Variants in VPS13D observed in about 807,000 individuals in gnomAD.
The protein encoded by VPS13D is intermembrane lipid transfer protein VPS13D.
Under a neutral mutation model 461.9 loss-of-function variants are expected in VPS13D, and 187 were observed. The ratio of observed to expected loss-of-function variants is 0.40; its 90% confidence interval spans 0.36 to 0.46. The LOEUF (loss-of-function observed/expected upper bound fraction) is 0.46, where lower values mean the gene tolerates loss of function less well. VPS13D is among the 20% of genes least tolerant of loss of function. The probability of loss-of-function intolerance (pLI) is 0.60; values close to 1 mark genes in which losing one functional copy is unlikely to be tolerated. For synonymous variants in VPS13D, 1,951 were observed against 1,986.3 expected (o/e 0.98, Z 0.47); for missense variants, 4,711 against 5,364.9 (o/e 0.88, Z 3.81).
chr1:12,264,955 A>G (rs1641222873), intron 13 of VPS13D, among the ~76,000 whole-genome samples: 1 of 152,110 alleles, frequency 6.6e-6, no homozygotes, highest in Admixed American at 6.5e-5. Flanking sequence ...TGGTGACTTT[A>G]AGTTGCTGAT....
chr1:12,433,785 G>A (rs1211108544), intron 65 of VPS13D, among the ~76,000 whole-genome samples: 2 of 152,140 alleles, frequency 1.3e-5, no homozygotes, highest in African/African-American at 4.8e-5. Context: ...CTGGGATCCC[G>A]CTAATCAGGC....
chr1:12,295,327 TA>T (rs1553175763), intron 24 of VPS13D, among the ~76,000 whole-genome samples: 1 of 151,866 alleles, frequency 6.6e-6, no homozygotes, highest in Non-Finnish European at 1.5e-5. Context: ...TTAATTTAAA[TA>T]AAAAATGTTT....
chr1:12,261,845 G>T lies in VPS13D; in HGVS notation c.1415-56G>T. 2.1e-6 allele frequency: 3 copies of T among 1,451,746 alleles called. No homozygotes were observed. In the African/African-American group the frequency reaches 4.2e-5, roughly 20 times the overall value. 89.9% of individuals were successfully genotyped at this position (1,451,746 alleles called of 1,614,324 possible). Reference sequence around the variant, plus strand: ...ATAACTGTGATCAGTCTGCTTGCTGGTGCTTTTTTATTCTTCCACGTTTTT... The same window carrying T: ...ATAACTGTGATCAGTCTGCTTGCTGTTGCTTTTTTATTCTTCCACGTTTTT... On this transcript the variant is annotated intron_variant, in intron 12 of 69. Transcript: ENST00000620676.
At chr1:12,403,496 T>C (rs1644607218) in intron 62 of VPS13D, among the ~76,000 whole-genome samples, 1 of 152,246 alleles carries the variant, frequency 6.6e-6, no homozygotes, top group African/African-American at 2.4e-5. Context: ...ATCTGGGTCA[T>C]TGATAATAAC....
In VPS13D at chr1:12,473,071, TG is replaced by T. The variant is rs1645583259; in HGVS notation, c.12662+12676del. ...AAAGAAATAGCACACCCTACGGTAG[TG>T]ACATGGCCCTGTCACCACCCCTCAT... On this transcript the variant is annotated intron_variant, in intron 67 of 69. Coordinates refer to ENST00000620676, the MANE Select transcript of VPS13D (RefSeq NM_015378.4). The surrounding 1 kb of genome is among the most constrained non-coding windows in gnomAD (Gnocchi z 4.2). Among the ~76,000 whole-genome samples the T allele has an allele frequency of 6.6e-6, 1 of 152,184 alleles. No individual in the cohort carries two copies. The highest frequency in any genetic ancestry group is 6.5e-5 in the Admixed American group (1 of 15,276).
chr1:12,430,117 C>T (rs989030265), intron 65 of VPS13D, among the ~76,000 whole-genome samples: 6 of 152,100 alleles, frequency 3.9e-5, no homozygotes, highest in African/African-American at 1.4e-4. Context: ...ATATTGTGGC[C>T]ATTGAGGTAA....
chr1:12,331,075 T>G (rs916633900), intron 37 of VPS13D, among the ~76,000 whole-genome samples: 3 of 152,258 alleles, frequency 2.0e-5, no homozygotes, highest in African/African-American at 7.2e-5. Context: ...CAGGTTTCTT[T>G]CTTCCCATTT....
intron 65 of VPS13D, among the ~76,000 whole-genome samples, chr1:12,418,433 T>A (rs1433952354): frequency 1.3e-5 from 2 of 152,254 alleles, no homozygotes; most frequent in African/African-American, 4.8e-5. Context: ...AAATATTTAG[T>A]TGTAAATGCC....
intron 65 of VPS13D, among the ~76,000 whole-genome samples, chr1:12,435,991 T>C (rs1645055508): frequency 6.6e-6 from 1 of 152,314 alleles, no homozygotes; most frequent in Non-Finnish European, 1.5e-5. Flanking sequence ...TATAGATTTA[T>C]GTGCAAAAAG....
chr1:12,475,054 T>G (rs1010896260), intron 67 of VPS13D, among the ~76,000 whole-genome samples: 1 of 152,182 alleles, frequency 6.6e-6, no homozygotes, highest in African/African-American at 2.4e-5. Context: ...CCTGATGTAT[T>G]GTGCGGAAGT....
intron 36 of VPS13D, among the ~76,000 whole-genome samples, chr1:12,328,056 G>A (rs79685598): frequency 0.028 from 4,300 of 152,198 alleles, 111 homozygotes; most frequent in African/African-American, 0.061. Flanking sequence ...TATAGCTTGG[G>A]AATAGGAATG....
rs1176021788 is a variant in VPS13D at position 12,389,750 on chromosome 1, A to AT, written c.11634+3422dup. Among the ~76,000 whole-genome samples the AT allele has an allele frequency of 3.9e-5, 6 of 151,926 alleles. No individual in the cohort carries two copies. In the East Asian group the frequency reaches 9.7e-4, roughly 25 times the overall value. ...CCTCATCAGGTCATGGTTTTGTGGG[A>AT]TTTTTTCCTGGTGGAGTGACCCAAA... On this transcript the variant is annotated intron_variant, in intron 60 of 69. Transcript: ENST00000620676.
intron 63 of VPS13D, among the ~76,000 whole-genome samples, chr1:12,414,031 C>T (rs1489839158): frequency 2.6e-5 from 4 of 152,170 alleles, no homozygotes; most frequent in South Asian, 2.1e-4. Context: ...CAGCTGTAAT[C>T]GCAGCACTTT....
intron 37 of VPS13D, among the ~76,000 whole-genome samples, chr1:12,330,189 C>T (rs762636804): frequency 3.3e-5 from 5 of 151,960 alleles, no homozygotes; most frequent in Admixed American, 6.6e-5. Context: ...CTGAGGAGGG[C>T]GGATCACCCT....
chr1:12,315,119 C>T (rs541811986), intron 30 of VPS13D, among the ~76,000 whole-genome samples: 185 of 152,270 alleles, frequency 1.2e-3, no homozygotes, highest in Non-Finnish European at 2.2e-3. Context: ...AAAATTAGGC[C>T]TGGTCTAAAG....
At chr1:12,438,996 C>T (rs973778542) in intron 65 of VPS13D, among the ~76,000 whole-genome samples, 12 of 152,082 alleles carry the variant, frequency 7.9e-5, no homozygotes, top group Non-Finnish European at 1.2e-4. Flanking sequence ...TTCTAGTCCT[C>T]GTTCATCTTT....
At chr1:12,259,941 T>C (rs942671265) in intron 10 of VPS13D, among the ~76,000 whole-genome samples, 10 of 151,830 alleles carry the variant, frequency 6.6e-5, no homozygotes, top group African/African-American at 2.2e-4. Context: ...AGCTAAGGCA[T>C]GTGGAAGCCC....
At chr1:12,344,071 A>G (rs546618329) in intron 42 of VPS13D, among the ~76,000 whole-genome samples, 1 of 152,350 alleles carries the variant, frequency 6.6e-6, no homozygotes, top group Non-Finnish European at 1.5e-5. Flanking sequence ...AAAATGTTCT[A>G]TCTGATTACT....
At chr1:12,354,496 T>C (rs1425529832) in intron 47 of VPS13D, among the ~76,000 whole-genome samples, 1 of 152,082 alleles carries the variant, frequency 6.6e-6, no homozygotes, top group African/African-American at 2.4e-5. Flanking sequence ...TTCACGCTAC[T>C]GCCCACCAGC....
Sources: gnomAD v4.1 joint callset for allele counts (sites outside exome capture counted in the v4.1 genomes callset) on GRCh38, gnomAD v4.1.1 for gene constraint, Gnocchi (gnomAD v3.1) non-coding constraint, MANE v1.5 for transcripts, NCBI Gene and HGNC (gene_info 2026-07-23, HGNC 2026-07-21) for gene names.